The following TUFT1 variants were observed in gnomAD, a reference collection of about 807,000 sequenced individuals.
TUFT1 encodes the protein tuftelin.
A neutral mutation model predicts 57.8 loss-of-function variants in TUFT1; 43 were observed. The ratio of observed to expected loss-of-function variants is 0.74; its 90% CI spans 0.58 to 0.96. The LOEUF is 0.96. Among genes scored for constraint, TUFT1 ranks in the 40% least tolerant of loss-of-function variants. TUFT1 has a pLI of 0.00. For synonymous variants in TUFT1, 166 were observed against 176.7 expected (o/e 0.94, Z 0.48); for missense variants, 459 against 489.0 (o/e 0.94, Z 0.58).
chr1:151,556,644 C>G (rs182101825), intron 1 of TUFT1, among the ~76,000 whole-genome samples: 1 of 152,234 alleles, frequency 6.6e-6, no homozygotes, highest in East Asian at 1.9e-4. Context: ...CTCCTGGCCT[C>G]AAGCAATCCT....
At chr1:151,542,533 C>T (rs1280962004) in intron 1 of TUFT1, among the ~76,000 whole-genome samples, 2 of 152,078 alleles carry the variant, frequency 1.3e-5, no homozygotes, top group Non-Finnish European at 2.9e-5. Flanking sequence ...CATCTGGCCC[C>T]TTTTACTCTT....
intron 1 of TUFT1, among the ~76,000 whole-genome samples, chr1:151,542,922 T>G (rs1271371848): frequency 6.6e-6 from 1 of 152,158 alleles, no homozygotes; most frequent in Non-Finnish European, 1.5e-5. Flanking sequence ...TTCACACCAC[T>G]GAATGGGTGC....
At chr1:151,564,452 G>A (rs1258705277) in intron 4 of TUFT1, 73 bp from the exon 5 acceptor site, 3 of 1,124,812 alleles carry the variant, frequency 2.7e-6, no homozygotes, top group South Asian at 2.6e-5. Flanking sequence ...CAGGGATGGG[G>A]CACAGAGTTG....
chr1:151,561,273 C>T (rs1306404656), intron 1 of TUFT1, among the ~76,000 whole-genome samples: 1 of 152,122 alleles, frequency 6.6e-6, no homozygotes, highest in Non-Finnish European at 1.5e-5. Flanking sequence ...GCTGGGATTA[C>T]AGGCGTGAGC....
At chr1:151,543,984 CT>C (rs10718036) in intron 1 of TUFT1, among the ~76,000 whole-genome samples, 98,787 of 117,044 alleles carry the variant, frequency 0.84, 41,884 homozygotes, top group South Asian at 0.95. Context: ...CTTTAAATCA[CT>C]TTTTTTTTTT....
chr1:151,566,301 T>C (rs893932518), intron 6 of TUFT1, 73 bp downstream of exon 6: 26 of 1,244,410 alleles, frequency 2.1e-5, no homozygotes, highest in African/African-American at 1.0e-4. Context: ...TCCTTTTGTT[T>C]ATTGCTTTCT....
intron 1 of TUFT1, among the ~76,000 whole-genome samples, chr1:151,544,810 G>A (rs1261701963): frequency 6.6e-6 from 1 of 152,136 alleles, no homozygotes; most frequent in Non-Finnish European, 1.5e-5. Flanking sequence ...GCTGTTTTGT[G>A]TTTACCTCCA....
Position 151,574,269 on chromosome 1 carries a change from G to A in TUFT1, c.595-1G>A, listed in dbSNP as rs7525701. On this transcript the variant is annotated splice_acceptor_variant, in intron 7 of 12. Coordinates refer to ENST00000368849, the MANE Select transcript of TUFT1 (RefSeq NM_020127.3). LOFTEE classifies it high-confidence loss of function. ...TAACATATTCCTGCTCCGTGTTTTA[G>A]GTCACACTCAGCCGGTACCAGAGGG... 3 of 1,613,036 alleles carry A rather than the reference G, an allele frequency of 1.9e-6. No homozygotes were observed. The highest frequency in any genetic ancestry group is 2.5e-6 in the Non-Finnish European group (3 of 1,179,668).
intron 1 of TUFT1, among the ~76,000 whole-genome samples, chr1:151,553,289 G>A (rs1373225406): frequency 1.3e-5 from 2 of 152,106 alleles, no homozygotes; most frequent in East Asian, 1.9e-4. Context: ...ATGGGGTTTC[G>A]CCATGTTGGC....
At chr1:151,580,878 A>G in intron 11 of TUFT1, 64 bp from the exon 12 acceptor site, 2 of 1,433,998 alleles carry the variant, frequency 1.4e-6, no homozygotes, top group Non-Finnish European at 2.0e-6. Flanking sequence ...AGAATGCACT[A>G]GCTGAACGTG....
chr1:151,575,475 A>G (rs1366075617), intron 9 of TUFT1, among the ~76,000 whole-genome samples: 1 of 152,176 alleles, frequency 6.6e-6, no homozygotes, highest in Admixed American at 6.6e-5. Flanking sequence ...ACTTGAAGCA[A>G]TGCAGATAGA....
chr1:151,561,590 T>G (rs1665896850), intron 1 of TUFT1: 2 of 1,185,828 alleles, frequency 1.7e-6, no homozygotes, highest in Admixed American at 3.7e-5. Context: ...TTGCCTGTTT[T>G]CACTTGGATA....
rs919864661 is a variant in TUFT1, at chr1:151,582,724, C to T, written c.*1017C>T. 2 of 154,670 alleles carry T rather than the reference C, an allele frequency of 1.3e-5. No individual in the cohort carries two copies. The highest frequency in any genetic ancestry group is 4.8e-5 in the African/African-American group (2 of 41,410). The allele number at this position is 154,670 out of a possible 1,614,324, so 9.6% of individuals were successfully genotyped here. On this transcript the variant is annotated 3_prime_UTR_variant, in exon 13 of 13. Coordinates refer to ENST00000368849, the MANE Select transcript of TUFT1 (RefSeq NM_020127.3). ...CTCTGCCTGTTTCTTCTCTCTTTCT[C>T]CTTCAAACTTGCTCTGCAGCTAAGG...
At chr1:151,554,020 G>T (rs528382647) in intron 1 of TUFT1, among the ~76,000 whole-genome samples, 2 of 137,994 alleles carry the variant, frequency 1.4e-5, no homozygotes, top group South Asian at 4.6e-4. Context: ...TGTCTGGCTG[G>T]CTGTCTCCCT....
At chr1:151,570,702 A>G (rs1043965989) in intron 7 of TUFT1, among the ~76,000 whole-genome samples, 8 of 151,990 alleles carry the variant, frequency 5.3e-5, no homozygotes, top group African/African-American at 1.9e-4. Context: ...AACAAGGTAC[A>G]TGGGCAGTTT....
At chr1:151,554,520 C>CT (rs1318470822) in intron 1 of TUFT1, among the ~76,000 whole-genome samples, 1 of 152,034 alleles carries the variant, frequency 6.6e-6, no homozygotes, top group African/African-American at 2.4e-5. Flanking sequence ...CCGTCTCAGC[C>CT]TCCTGAGTAG....
rs2102560766 is a variant in TUFT1, at chr1:151,580,994, A to G, written c.1061A>G (p.His354Arg). Reference protein sequence around the residue: ...MEHLIEKQISHGNFSTQARAK... With the variant: ...MEHLIEKQISRGNFSTQARAK... ...CACCTGATAGAAAAACAAATCAGTC[A>G]TGGCAACTTCAGCACCCAGGCCCGG... Residue 354 changes from histidine (H) to arginine (R), a missense_variant, in exon 12 of 13, where the codon CAT becomes CGT. Coordinates refer to ENST00000368849, the MANE Select transcript of TUFT1 (RefSeq NM_020127.3). 6.2e-7 allele frequency: 1 copy of G among 1,614,192 alleles called. No homozygotes were observed. Among genetic ancestry groups the G allele is most frequent in the Non-Finnish European group, 8.5e-7 (1 of 1,180,028 alleles).
At chr1:151,572,263 A>G (rs560036847) in intron 7 of TUFT1, among the ~76,000 whole-genome samples, 6 of 152,254 alleles carry the variant, frequency 3.9e-5, no homozygotes, top group African/African-American at 1.4e-4. Flanking sequence ...TCCTCGGGTC[A>G]TTCCCACTGT....
chr1:151,561,800 C>G (rs1363612820), intron 1 of TUFT1: 2 of 1,408,390 alleles, frequency 1.4e-6, no homozygotes, highest in Admixed American at 4.3e-5. Flanking sequence ...GCAATGTGTT[C>G]CCTGTAGTCC....
Sources: allele counts gnomAD v4.1 joint callset (sites outside exome capture counted in the v4.1 genomes callset), GRCh38; gene constraint gnomAD v4.1.1; transcripts MANE v1.5; gene names NCBI Gene and HGNC (gene_info 2026-07-23, HGNC 2026-07-21).